Variants in WARS2 observed in about 807,000 individuals in gnomAD.
WARS2 encodes tryptophan--tRNA ligase, mitochondrial.
WARS2 carries 28 observed loss-of-function variants against 36.5 expected under a neutral mutation model. The ratio of observed to expected loss-of-function variants is 0.77; its 90% confidence interval spans 0.57 to 1.05. The LOEUF is 1.05. Among genes scored for constraint, WARS2 ranks in the 50% least tolerant of loss-of-function variants. The pLI is 0.00. For missense variants in WARS2, 435 were observed against 456.8 expected, an observed-to-expected ratio of 0.95 and a Z score of 0.44; for synonymous variants, 174 against 178.4, an observed-to-expected ratio of 0.98 and a Z score of 0.20.
chr1:119,064,754 C>G (rs1425067988), intron 2 of WARS2: 1 of 152,984 alleles, frequency 6.5e-6, no homozygotes, highest in African/African-American at 2.4e-5. Context: ...CCATGTAAAA[C>G]TCTAAGTCCA....
At chr1:119,074,116 T>A (rs1651534476) in intron 2 of WARS2, among the ~76,000 whole-genome samples, 1 of 152,146 alleles carries the variant, frequency 6.6e-6, no homozygotes, top group Non-Finnish European at 1.5e-5. Flanking sequence ...GAAGTGAAGA[T>A]GATGTGCTTT....
intron 1 of WARS2, among the ~76,000 whole-genome samples, chr1:119,088,032 T>G (rs1043920168): frequency 6.6e-6 from 1 of 152,158 alleles, no homozygotes; most frequent in African/African-American, 2.4e-5. Flanking sequence ...ATGAGAAAAT[T>G]TATGCGGCCC....
chr1:119,117,945 A>G (rs188848605), intron 1 of WARS2, among the ~76,000 whole-genome samples: 316 of 152,304 alleles, frequency 2.1e-3, no homozygotes, highest in Non-Finnish European at 3.9e-3. Context: ...CTTGAGTTCC[A>G]TATCTTTCCA....
At chr1:119,046,606 C>T (rs1442784267) in intron 2 of WARS2, among the ~76,000 whole-genome samples, 1 of 151,714 alleles carries the variant, frequency 6.6e-6, no homozygotes, top group Admixed American at 6.6e-5. Context: ...TCCACCCACC[C>T]CAGCGTCCCA....
At position 119,032,951 on chromosome 1, in the gene WARS2, G is replaced by C. The variant is rs1427121731; in HGVS notation, c.1043C>G (p.Thr348Ser). The change falls in exon 6 of 6, where the codon ACT becomes AGT. Residue 348 changes from threonine to serine, a missense_variant. Coordinates refer to ENST00000235521, the MANE Select transcript of WARS2 (RefSeq NM_015836.4). ...CAATTTCTTCACCTCCTGGCACACA[G>C]TGTATGCTAATTCTTTGGCTTTTGC... ...GSAKAKELAY[T>S]VCQEVKKLVG... The C allele has an allele frequency of 3.1e-6, 5 of 1,614,114 alleles. No individual in the cohort carries two copies. Among genetic ancestry groups the C allele is most frequent in the Non-Finnish European group, 8.5e-7 (1 of 1,180,042 alleles).
Position 119,033,283 on chromosome 1 carries a change from G to A in WARS2, c.711C>T (p.Thr237=), listed in dbSNP as rs1223008634. The change falls in exon 6 of 6, where the codon ACC becomes ACT. Residue 237 remains threonine, a synonymous_variant. Coordinates refer to ENST00000235521, the MANE Select transcript of WARS2 (RefSeq NM_015836.4). ...MSKSDPDKLA[T]VRITDSPEEI... is the part of the protein sequence containing the mutation. ...CCTCTGGGCTGTCTGTTATTCGGAC[G>A]GTGGCCAGTTTGTCAGGGTCTGATT... 6 of 1,614,202 alleles carry A rather than the reference G, an allele frequency of 3.7e-6. No individual in the cohort carries two copies. In the South Asian group the frequency reaches 4.4e-5, roughly 12 times the overall value.
In WARS2 at chr1:119,032,748, G is replaced by C. The variant is rs1647533491; in HGVS notation, c.*163C>G. ...TGTTGATGGGATTTGGAACACTGTC[G>C]TATTTCAAAGCTACAAAGCAATATT... On this transcript the variant is annotated 3_prime_UTR_variant, in exon 6 of 6. Coordinates refer to ENST00000235521, the MANE Select transcript of WARS2 (RefSeq NM_015836.4). The C allele has an allele frequency of 3.0e-6, 2 of 677,328 alleles. No individual in the cohort carries two copies. The highest frequency in any genetic ancestry group is 4.8e-6 in the Non-Finnish European group (2 of 412,706). 42.0% of individuals were successfully genotyped at this position (677,328 alleles called of 1,614,324 possible).
intron 2 of WARS2, among the ~76,000 whole-genome samples, chr1:119,060,348 TCATGCTATAACCCCA>T: frequency 6.6e-6 from 1 of 152,326 alleles, no homozygotes; most frequent in Non-Finnish European, 1.5e-5. Context: ...ATGGCTGCCT[TCATGCTATAACCCCA>T]CATGGCAGGC....
chr1:119,099,881 C>T (rs587738524), intron 1 of WARS2, among the ~76,000 whole-genome samples: 2 of 152,300 alleles, frequency 1.3e-5, no homozygotes, highest in African/African-American at 4.8e-5. Flanking sequence ...CTCTCCTGCA[C>T]ACTGGCTAGG....
intron 2 of WARS2, among the ~76,000 whole-genome samples, chr1:119,047,011 G>A (rs796187234): frequency 2.6e-5 from 4 of 152,234 alleles, no homozygotes; most frequent in African/African-American, 7.2e-5. Flanking sequence ...GTTTGATAAG[G>A]AATCACTTTT....
intron 1 of WARS2, among the ~76,000 whole-genome samples, chr1:119,097,812 T>G (rs181403966): frequency 1.3e-5 from 2 of 152,322 alleles, no homozygotes; most frequent in Admixed American, 6.5e-5. Flanking sequence ...ATGAGGCTTA[T>G]AGAATGCAGG....
At chr1:119,037,895 T>C (rs1441709712) in intron 4 of WARS2, among the ~76,000 whole-genome samples, 6 of 152,246 alleles carry the variant, frequency 3.9e-5, no homozygotes, top group Non-Finnish European at 8.8e-5. Context: ...ATGGCCCATA[T>C]TAGACTAGTG....
Position 119,135,715 on chromosome 1 carries a change from C to CAGATAGATAGAT in WARS2, c.90+4828_90+4839dup, listed in dbSNP as rs113027169. On this transcript the variant is annotated intron_variant, in intron 1 of 5. Transcript: ENST00000235521. The stretch of plus-strand genomic sequence containing the variant: ...TATAGAGATAGATAGATTAGATAGA[C>CAGATAGATAGAT]AGATAGATAGATAGATAGATAGATA... 3.7e-3 allele frequency among the ~76,000 whole-genome samples: 538 copies of CAGATAGATAGAT among 147,062 alleles called. 1 individual carries two copies. Among genetic ancestry groups the CAGATAGATAGAT allele is most frequent in the Non-Finnish European group, 4.9e-3 (324 of 66,636 alleles).
chr1:119,078,561 A>G (rs1245262984), intron 1 of WARS2, among the ~76,000 whole-genome samples: 1 of 152,156 alleles, frequency 6.6e-6, no homozygotes, highest in East Asian at 1.9e-4. Flanking sequence ...ATTATGGTTT[A>G]ACTCTCTTTG....
chr1:119,033,558 G>A (rs1256179157), intron 5 of WARS2, among the ~76,000 whole-genome samples, 199 bp from the exon 6 acceptor site: 1 of 152,132 alleles, frequency 6.6e-6, no homozygotes, highest in East Asian at 1.9e-4. Context: ...TTCACTTTCA[G>A]TATAGTATTC....
At chr1:119,134,036 A>G (rs949547821) in intron 1 of WARS2, among the ~76,000 whole-genome samples, 8 of 152,160 alleles carry the variant, frequency 5.3e-5, no homozygotes, top group South Asian at 2.1e-4. Context: ...TACAAGGTAA[A>G]TGTTATTTTA....
intron 2 of WARS2, among the ~76,000 whole-genome samples, chr1:119,072,908 A>G (rs1003209416): frequency 6.6e-6 from 1 of 152,110 alleles, no homozygotes; most frequent in African/African-American, 2.4e-5. Flanking sequence ...TAATCCCAAC[A>G]CTTTGGAAGG....
intron 2 of WARS2, among the ~76,000 whole-genome samples, chr1:119,067,218 A>G (rs1423669250): frequency 6.6e-6 from 1 of 152,236 alleles, no homozygotes; most frequent in Non-Finnish European, 1.5e-5. Flanking sequence ...GTTAATGGCT[A>G]TATTATATGC....
At chr1:119,067,647 T>C (rs10923742) in intron 2 of WARS2, among the ~76,000 whole-genome samples, 3,688 of 152,226 alleles carry the variant, frequency 0.024, 155 homozygotes, top group East Asian at 0.19. Context: ...AGGAGGGTGA[T>C]AGAAAGTTAA....
Sources: allele counts gnomAD v4.1 joint callset (sites outside exome capture counted in the v4.1 genomes callset), GRCh38; gene constraint gnomAD v4.1.1; transcripts MANE v1.5; gene names NCBI Gene and HGNC (gene_info 2026-07-23, HGNC 2026-07-21).